Variants in TAOK3 observed in about 807,000 individuals in gnomAD.
The protein encoded by TAOK3 is TAO kinase 3.
Under a neutral mutation model 120.4 loss-of-function variants are expected in TAOK3, and 40 were observed. The observed-to-expected ratio is 0.33, with a 90% CI of 0.26 to 0.43. The LOEUF (loss-of-function observed/expected upper bound fraction) is 0.43. Among genes scored for constraint, TAOK3 ranks in the 20% least tolerant of loss-of-function variants. The probability of loss-of-function intolerance (pLI) is 1.00; values close to 1 mark genes in which losing one functional copy is unlikely to be tolerated. For synonymous variants in TAOK3, 355 were observed against 387.5 expected, an observed-to-expected ratio of 0.92 and a Z score of 0.99; for missense variants, 821 against 1,112.1, an observed-to-expected ratio of 0.74 and a Z score of 3.72.
At chr12:118,311,399 T>A (rs1338082072) in intron 1 of TAOK3, among the ~76,000 whole-genome samples, 1 of 152,110 alleles carries the variant, frequency 6.6e-6, no homozygotes, top group African/African-American at 2.4e-5. Flanking sequence ...AGGCAGAGGT[T>A]GCAGTAAGCC....
In TAOK3 at chr12:118,273,538, G is replaced by C. The variant is rs1593373782; in HGVS notation, c.-193-6779C>G. 2.0e-5 allele frequency among the ~76,000 whole-genome samples: 3 copies of C among 149,416 alleles called. No individual in the cohort carries two copies. The East Asian group carries it at 6.0e-4, about 30-fold the overall frequency. On this transcript the variant is annotated intron_variant, in intron 1 of 20. Transcript: ENST00000392533. Reference sequence around the variant, plus strand: ...AAAAGAAAAAGAAAAAAATAGGTCGGGCATAGTGGCTCATGCCTATAATCT... The same window carrying C: ...AAAAGAAAAAGAAAAAAATAGGTCGCGCATAGTGGCTCATGCCTATAATCT...
At chr12:118,366,568 G>T (rs61943368) in intron 1 of TAOK3, among the ~76,000 whole-genome samples, 17,521 of 152,168 alleles carry the variant, frequency 0.12, 1,271 homozygotes, top group Middle Eastern at 0.19. Context: ...AATAGTGGAA[G>T]AAAGTAAAAT....
intron 1 of TAOK3, among the ~76,000 whole-genome samples, chr12:118,339,530 G>A (rs968997595): frequency 1.3e-4 from 19 of 151,494 alleles, no homozygotes; most frequent in Admixed American, 5.3e-4. Flanking sequence ...TCATATCAGA[G>A]GGCTTTGAAA....
intron 1 of TAOK3, among the ~76,000 whole-genome samples, chr12:118,368,449 T>G (rs1458120476): frequency 6.6e-6 from 1 of 150,522 alleles, no homozygotes; most frequent in African/African-American, 2.4e-5. Flanking sequence ...TCACCCGCCT[T>G]GGCCTTCCAA....
At chr12:118,366,400 A>G in intron 1 of TAOK3, among the ~76,000 whole-genome samples, 1 of 152,262 alleles carries the variant, frequency 6.6e-6, no homozygotes, top group Non-Finnish European at 1.5e-5. Flanking sequence ...AGTGCCATCT[A>G]TTGTAATGGG....
intron 1 of TAOK3, among the ~76,000 whole-genome samples, chr12:118,313,033 G>A (rs532185431): frequency 2.3e-4 from 35 of 152,030 alleles, no homozygotes; most frequent in Non-Finnish European, 2.9e-5. Context: ...CACTAAAGAC[G>A]GAAAAATGCA....
Position 118,150,751 on chromosome 12 carries a change from CGTGTACTGTGAA to C in TAOK3, c.*234_*245del, listed in dbSNP as rs1198242220. On this transcript the variant is annotated 3_prime_UTR_variant, in exon 21 of 21. Coordinates refer to ENST00000392533, the MANE Select transcript of TAOK3 (RefSeq NM_016281.4). ...ATTTTGAATCACATCAATACTGTGA[CGTGTACTGTGAA>C]TAGAAGAGACGGCCAGGTTTTGGCC... 1.3e-5 allele frequency: 6 copies of C among 479,454 alleles called. No individual in the cohort carries two copies. The highest frequency in any genetic ancestry group is 1.2e-4 in the African/African-American group (6 of 51,668). The allele number at this position is 479,454 out of a possible 1,614,324, so 29.7% of individuals were successfully genotyped here. A position where few individuals can be genotyped will look rare whatever the true frequency, so the allele number is the denominator to read the frequency against.
chr12:118,327,768 C>T (rs1401828546), intron 1 of TAOK3, among the ~76,000 whole-genome samples: 1 of 152,150 alleles, frequency 6.6e-6, no homozygotes, highest in Non-Finnish European at 1.5e-5. Flanking sequence ...CAAACATGAT[C>T]CTTCTTAATT....
At chr12:118,298,309 A>T (rs543589315) in intron 1 of TAOK3, among the ~76,000 whole-genome samples, 1 of 152,316 alleles carries the variant, frequency 6.6e-6, no homozygotes, top group East Asian at 1.9e-4. Flanking sequence ...CCTAGTTTCA[A>T]TAGGTCTGAG....
At chr12:118,347,079 A>G (rs1327184723) in intron 1 of TAOK3, among the ~76,000 whole-genome samples, 1 of 152,096 alleles carries the variant, frequency 6.6e-6, no homozygotes, top group Non-Finnish European at 1.5e-5. Flanking sequence ...ATCCTGGCTC[A>G]CTGAAGCCTT....
chr12:118,169,995 A>G (rs1384817563), intron 17 of TAOK3, among the ~76,000 whole-genome samples: 1 of 152,174 alleles, frequency 6.6e-6, no homozygotes, highest in Non-Finnish European at 1.5e-5. Flanking sequence ...TGCTGGGATT[A>G]CAGGAGTGAG....
At chr12:118,318,994 T>C (rs939522186) in intron 1 of TAOK3, among the ~76,000 whole-genome samples, 2 of 152,122 alleles carry the variant, frequency 1.3e-5, no homozygotes, top group Non-Finnish European at 2.9e-5. Flanking sequence ...AGTTGTATGA[T>C]CTCATTTATG....
intron 1 of TAOK3, among the ~76,000 whole-genome samples, chr12:118,306,951 C>T (rs894502125): frequency 2.6e-5 from 4 of 152,054 alleles, no homozygotes; most frequent in Non-Finnish European, 4.4e-5. Flanking sequence ...AACAGAAGAA[C>T]GGAATTTTTA....
intron 16 of TAOK3, among the ~76,000 whole-genome samples, chr12:118,173,244 C>T (rs1008866680): frequency 2.6e-5 from 4 of 152,142 alleles, no homozygotes; most frequent in Admixed American, 2.6e-4. Context: ...ATGGTGCCAT[C>T]AAGGGCTGAA....
chr12:118,347,768 G>A (rs1042991432), intron 1 of TAOK3, among the ~76,000 whole-genome samples: 1 of 152,120 alleles, frequency 6.6e-6, no homozygotes, highest in African/African-American at 2.4e-5. Context: ...TCTATGCCAA[G>A]CCGTTAATGC....
intron 1 of TAOK3, among the ~76,000 whole-genome samples, chr12:118,269,026 GAAAAC>G (rs1224725197): frequency 6.6e-6 from 1 of 151,668 alleles, no homozygotes; most frequent in Non-Finnish European, 1.5e-5. Flanking sequence ...GAAAAGAAAA[GAAAAC>G]AAAAGAAAAG....
At chr12:118,188,727 G>T (rs1452956703) in intron 14 of TAOK3, among the ~76,000 whole-genome samples, 1 of 152,208 alleles carries the variant, frequency 6.6e-6, no homozygotes, top group Non-Finnish European at 1.5e-5. Context: ...GATCATTTCT[G>T]GGTCGGCCTT....
At chr12:118,194,528 C>T (rs1028720560) in intron 13 of TAOK3, among the ~76,000 whole-genome samples, 1 of 151,918 alleles carries the variant, frequency 6.6e-6, no homozygotes, top group African/African-American at 2.4e-5. Flanking sequence ...AAGGACCCAC[C>T]CCTCTATTCA....
At chr12:118,335,315 T>C (rs1303674823) in intron 1 of TAOK3, among the ~76,000 whole-genome samples, 2 of 152,084 alleles carry the variant, frequency 1.3e-5, no homozygotes, top group Non-Finnish European at 2.9e-5. Flanking sequence ...ATCTTGAAGC[T>C]ATTAAAAGGA....
Sources: gnomAD v4.1 joint callset for allele counts (sites outside exome capture counted in the v4.1 genomes callset) on GRCh38, gnomAD v4.1.1 for gene constraint, MANE v1.5 for transcripts, NCBI Gene and HGNC (gene_info 2026-07-23, HGNC 2026-07-21) for gene names.